Variants in AUTS2 observed in about 807,000 individuals in gnomAD.
AUTS2 encodes the protein autism susceptibility gene 2 protein.
A neutral mutation model predicts 112.4 loss-of-function variants in AUTS2; 17 were observed. The ratio of observed to expected loss-of-function variants is 0.15; its 90% CI spans 0.10 to 0.23. AUTS2 has a LOEUF of 0.23. AUTS2 is among the 10% of genes least tolerant of loss of function. AUTS2 has a pLI of 1.00. For synonymous variants in AUTS2, 751 were observed against 702.7 expected (o/e 1.07, Z -1.09); for missense variants, 1,510 against 1,701.6 (o/e 0.89, Z 1.98).
intron 4 of AUTS2, among the ~76,000 whole-genome samples, chr7:70,370,584 T>C (rs1792795567): frequency 1.3e-5 from 2 of 152,254 alleles, no homozygotes; most frequent in South Asian, 4.1e-4. Context: ...CATTCATTAA[T>C]TGATAGACAT....
intron 2 of AUTS2, among the ~76,000 whole-genome samples, chr7:70,007,660 G>A (rs187099088): frequency 8.5e-5 from 13 of 152,268 alleles, no homozygotes; most frequent in Admixed American, 7.9e-4. Flanking sequence ...TGAGAAAAGT[G>A]AGGCTGAGAA....
chr7:69,974,991 G>A (rs1797997822), intron 2 of AUTS2, among the ~76,000 whole-genome samples: 1 of 151,394 alleles, frequency 6.6e-6, no homozygotes, highest in Non-Finnish European at 1.5e-5. Context: ...TTTAAAAATA[G>A]AACTTCCTTT....
intron 1 of AUTS2, among the ~76,000 whole-genome samples, chr7:69,773,683 C>CT (rs1298207483): frequency 5.2e-4 from 79 of 152,298 alleles, no homozygotes; most frequent in Non-Finnish European, 7.6e-4. Context: ...GCTTCAGTTC[C>CT]TCTGCCAGGT....
At chr7:70,362,685 A>G (rs536755494) in intron 4 of AUTS2, among the ~76,000 whole-genome samples, 1 of 138,756 alleles carries the variant, frequency 7.2e-6, no homozygotes, top group East Asian at 2.1e-4. Context: ...CTCCTCTTTG[A>G]TTTTATTTTT....
chr7:70,206,360 T>A (rs1810574335), intron 4 of AUTS2, among the ~76,000 whole-genome samples: 2 of 152,142 alleles, frequency 1.3e-5, no homozygotes, highest in African/African-American at 2.4e-5. Context: ...AGACCTTTTC[T>A]ATCTGTTTTT....
Position 70,639,105 on chromosome 7 carries a change from G to A in AUTS2, c.691-59464G>A, listed in dbSNP as rs542161847. Among the ~76,000 whole-genome samples the A allele has an allele frequency of 4.1e-4, 62 of 152,142 alleles. 1 individual carries two copies. The highest frequency in any genetic ancestry group is 8.3e-4 in the South Asian group (4 of 4,818). ...AAAAAGTTGCCGCAAAAGATTAAGCGCATAATATATGTCAAAGTATAATGT... is the reference window on the plus strand; with the variant it reads ...AAAAAGTTGCCGCAAAAGATTAAGCACATAATATATGTCAAAGTATAATGT... On this transcript the variant is annotated intron_variant, in intron 5 of 18. Coordinates refer to ENST00000342771, the MANE Select transcript of AUTS2 (RefSeq NM_015570.4).
intron 2 of AUTS2, among the ~76,000 whole-genome samples, chr7:70,033,641 A>G (rs1800876353): frequency 6.6e-6 from 1 of 152,216 alleles, no homozygotes; most frequent in Non-Finnish European, 1.5e-5. Context: ...TTAGAAGTGT[A>G]GATGTATACA....
chr7:70,435,652 T>C, intron 4 of AUTS2, 100 bp from the exon 5 acceptor site: 2 of 1,180,018 alleles, frequency 1.7e-6, no homozygotes, highest in Non-Finnish European at 2.5e-6. Flanking sequence ...CCTTTACTTA[T>C]CTTGCACTTT....
rs1563064806 is a variant in AUTS2 at position 70,595,729 on chromosome 7, T to C, written c.691-102840T>C. On this transcript the variant is annotated intron_variant, in intron 5 of 18. Transcript: ENST00000342771. ...TACTTCATTCAGAGCATCTTCCGGC[T>C]GTAAATGGCTTGAGCCCATTGTCAA... Among the ~76,000 whole-genome samples, 4 of 152,254 alleles carry C rather than the reference T, an allele frequency of 2.6e-5. No homozygotes were observed. The South Asian group carries it at 8.3e-4, about 32-fold the overall frequency.
intron 4 of AUTS2, among the ~76,000 whole-genome samples, chr7:70,393,188 C>T (rs1044517528): frequency 3.1e-4 from 47 of 152,220 alleles, no homozygotes; most frequent in African/African-American, 1.1e-3. Flanking sequence ...ATCTCACCTC[C>T]TCGGGAGACT....
chr7:69,667,080 G>A (rs1796085801), intron 1 of AUTS2, among the ~76,000 whole-genome samples: 1 of 152,162 alleles, frequency 6.6e-6, no homozygotes. Context: ...CTTCTCACTG[G>A]TGGGGACTCT....
intron 4 of AUTS2, among the ~76,000 whole-genome samples, chr7:70,251,742 G>A (rs1436598447): frequency 1.3e-5 from 2 of 151,870 alleles, no homozygotes; most frequent in Non-Finnish European, 2.9e-5. Flanking sequence ...TGTTAATTCT[G>A]ATTACTGAGA....
intron 4 of AUTS2, among the ~76,000 whole-genome samples, chr7:70,253,511 A>G (rs535794932): frequency 6.6e-6 from 1 of 152,066 alleles, no homozygotes; most frequent in Non-Finnish European, 1.5e-5. Flanking sequence ...TGAATTGCTT[A>G]TTTCCCTGAG....
chr7:70,592,161 A>G (rs779413247), intron 5 of AUTS2, among the ~76,000 whole-genome samples: 7 of 152,190 alleles, frequency 4.6e-5, no homozygotes, highest in Non-Finnish European at 8.8e-5. Context: ...TATATTTTAC[A>G]TATTTGTATG....
chr7:70,087,372 C>CTTTTTT (rs571292584), intron 2 of AUTS2, among the ~76,000 whole-genome samples: 4 of 137,720 alleles, frequency 2.9e-5, no homozygotes, highest in South Asian at 2.3e-4. Context: ...TTTTCTTTTT[C>CTTTTTT]TTTTTTTTTT....
At chr7:69,941,597 G>C (rs1461447494) in intron 2 of AUTS2, among the ~76,000 whole-genome samples, 1 of 146,522 alleles carries the variant, frequency 6.8e-6, no homozygotes, top group African/African-American at 2.5e-5. Flanking sequence ...TTTTTTTTTG[G>C]CTGTGTGACA....
At chr7:70,680,415 G>A (rs1210320833) in intron 5 of AUTS2, among the ~76,000 whole-genome samples, 1 of 152,158 alleles carries the variant, frequency 6.6e-6, no homozygotes, top group Non-Finnish European at 1.5e-5. Flanking sequence ...ATCCAGTACA[G>A]TATTCATTCA....
intron 4 of AUTS2, among the ~76,000 whole-genome samples, chr7:70,203,963 TA>T (rs34646200): frequency 0.12 from 16,973 of 138,840 alleles, 974 homozygotes; most frequent in Admixed American, 0.15. Context: ...TTTTAAGCCT[TA>T]AAAAAAAAAA....
intron 1 of AUTS2, among the ~76,000 whole-genome samples, chr7:69,887,533 A>G (rs1217524925): frequency 6.6e-6 from 1 of 152,206 alleles, no homozygotes; most frequent in Non-Finnish European, 1.5e-5. Context: ...GGTAACTACA[A>G]TAGAATCAGT....
Sources: allele counts gnomAD v4.1 joint callset (sites outside exome capture counted in the v4.1 genomes callset), GRCh38; gene constraint gnomAD v4.1.1; transcripts MANE v1.5; gene names NCBI Gene and HGNC (gene_info 2026-07-23, HGNC 2026-07-21).